The following RAMP3 variants were observed in gnomAD, a reference collection of about 807,000 sequenced individuals.
RAMP3 encodes the protein receptor activity-modifying protein 3.
RAMP3 carries 14 observed loss-of-function variants against 13.5 expected under a neutral mutation model. The observed-to-expected ratio is 1.04, with a 90% CI of 0.69 to 1.63. The LOEUF (loss-of-function observed/expected upper bound fraction) is 1.63, where lower values mean the gene tolerates loss of function less well. RAMP3 is among the 40% of genes most tolerant of loss of function. The probability of loss-of-function intolerance (pLI) is 0.00; values close to 1 mark genes in which losing one functional copy is unlikely to be tolerated. For synonymous variants in RAMP3, 106 were observed against 88.3 expected, an observed-to-expected ratio of 1.20 and a Z score of -1.12; for missense variants, 200 against 204.8, an observed-to-expected ratio of 0.98 and a Z score of 0.14.
intron 2 of RAMP3, among the ~76,000 whole-genome samples, chr7:45,181,328 T>C (rs1786309010): frequency 6.6e-6 from 1 of 152,236 alleles, no homozygotes; most frequent in South Asian, 2.1e-4. Context: ...GGCCTAGCTT[T>C]GGCTGGGAGT....
chr7:45,174,365 G>T (rs1368329270), intron 1 of RAMP3, among the ~76,000 whole-genome samples: 2 of 152,170 alleles, frequency 1.3e-5, no homozygotes, highest in African/African-American at 4.8e-5. Flanking sequence ...GCCTCAGCAA[G>T]CCCTCATGTG....
intron 1 of RAMP3, among the ~76,000 whole-genome samples, chr7:45,168,406 CAAAAA>C (rs71030854): frequency 1.4e-5 from 1 of 70,364 alleles, no homozygotes; most frequent in Admixed American, 1.9e-4. Context: ...ACTCTGTTTC[CAAAAA>C]AAAAAAAAAA....
chr7:45,167,683 G>T (rs984913251), intron 1 of RAMP3, among the ~76,000 whole-genome samples: 1 of 151,416 alleles, frequency 6.6e-6, no homozygotes, highest in Non-Finnish European at 1.5e-5. Context: ...CCTGCCTCCT[G>T]CCTTGGGAAG....
At position 45,183,887 on chromosome 7, in the gene RAMP3, G is replaced by T. The variant is rs3173757; in HGVS notation, c.*475G>T. 0.29 allele frequency: 125,301 copies of T among 427,498 alleles called. 21,678 individuals carry two copies. Among genetic ancestry groups the T allele is most frequent in the African/African-American group, 0.58 (29,142 of 49,992 alleles). The allele number at this position is 427,498 out of a possible 1,614,324, so 26.5% of individuals were successfully genotyped here. ...GCTCCTGCCTACATCCAGGCAGAAA[G>T]ATAGGCAGGGGCTCTTGGAAGACGT... On this transcript the variant is annotated 3_prime_UTR_variant, in exon 3 of 3. Transcript: ENST00000242249.
chr7:45,166,463 T>C (rs534529499), intron 1 of RAMP3, among the ~76,000 whole-genome samples: 3 of 152,358 alleles, frequency 2.0e-5, no homozygotes, highest in African/African-American at 7.2e-5. Context: ...TATATTTTTG[T>C]AGAAATGACT....
rs370868982 is a variant in RAMP3, at chr7:45,183,392, C to G, written c.427C>G (p.Arg143Gly). The change falls in exon 3 of 3, where the codon CGC becomes GGC. Residue 143 changes from arginine to glycine, a missense_variant. Arg to Gly is a moderately radical substitution (Grantham distance 125). Transcript: ENST00000242249. ...MAGLVVWRSK[R>G]TDTLL ...TGGCCTGGTGGTGTGGCGCAGCAAA[C>G]GCACCGACACGCTGCTGTGAGGGTC... The G allele has an allele frequency of 6.2e-7, 1 of 1,612,786 alleles. No homozygotes were observed.
Position 45,183,602 on chromosome 7 carries a change from C to CT in RAMP3, c.*191dup. 7 of 762,946 alleles carry CT rather than the reference C, an allele frequency of 9.2e-6. No homozygotes were observed. Among genetic ancestry groups the CT allele is most frequent in the Non-Finnish European group, 1.5e-5 (7 of 478,982 alleles). 47.3% of individuals were successfully genotyped at this position (762,946 alleles called of 1,614,324 possible). A position where few individuals can be genotyped will look rare whatever the true frequency, so the allele number is the denominator to read the frequency against. The stretch of plus-strand genomic sequence containing the variant: ...GCCTGCTCCCTGGCTGAGGCTCAGG[C>CT]TATCCGCCCAAGCTCTTTGCTCATT... On this transcript the variant is annotated 3_prime_UTR_variant, in exon 3 of 3. Coordinates refer to ENST00000242249, the MANE Select transcript of RAMP3 (RefSeq NM_005856.3).
chr7:45,179,031 T>A (rs562203448), intron 2 of RAMP3, among the ~76,000 whole-genome samples: 174 of 152,230 alleles, frequency 1.1e-3, no homozygotes, highest in Non-Finnish European at 2.3e-3. Flanking sequence ...CAGTGAGGTG[T>A]CCAGAGCCCT....
At chr7:45,169,128 T>C (rs1430355669) in intron 1 of RAMP3, among the ~76,000 whole-genome samples, 1 of 152,240 alleles carries the variant, frequency 6.6e-6, no homozygotes, top group Non-Finnish European at 1.5e-5. Flanking sequence ...TAAAACCTTC[T>C]TGGTCATGGT....
chr7:45,181,666 G>A (rs937183903), intron 2 of RAMP3, among the ~76,000 whole-genome samples: 2 of 152,168 alleles, frequency 1.3e-5, no homozygotes, highest in African/African-American at 4.8e-5. Flanking sequence ...GGGGGGTTGG[G>A]GTGGACAGCA....
chr7:45,175,095 A>G (rs1468593120), intron 1 of RAMP3, among the ~76,000 whole-genome samples: 2 of 152,212 alleles, frequency 1.3e-5, no homozygotes, highest in African/African-American at 4.8e-5. Context: ...AGGCTCACTC[A>G]GGGGTTGGGG....
At chr7:45,164,371 A>T (rs1785919464) in intron 1 of RAMP3, among the ~76,000 whole-genome samples, 1 of 138,706 alleles carries the variant, frequency 7.2e-6, no homozygotes. Context: ...GTCTCTACAA[A>T]TAACAAAAAA....
intron 1 of RAMP3, among the ~76,000 whole-genome samples, chr7:45,169,344 T>C (rs79504581): frequency 0.084 from 12,833 of 152,276 alleles, 686 homozygotes; most frequent in Non-Finnish European, 0.12. Flanking sequence ...GTGAATGATT[T>C]CTGTTAATTC....
intron 1 of RAMP3, among the ~76,000 whole-genome samples, chr7:45,175,557 A>G (rs756061943): frequency 7.9e-5 from 12 of 152,168 alleles, no homozygotes; most frequent in Non-Finnish European, 1.6e-4. Context: ...ATTCTGAGGT[A>G]TAGGTTTGGG....
At chr7:45,164,154 C>T (rs1183418158) in intron 1 of RAMP3, among the ~76,000 whole-genome samples, 1 of 152,210 alleles carries the variant, frequency 6.6e-6, no homozygotes, top group East Asian at 1.9e-4. Flanking sequence ...CACTGTGCTC[C>T]TGCCTGTGCC....
chr7:45,159,711 C>T (rs538779733), intron 1 of RAMP3, among the ~76,000 whole-genome samples: 11 of 152,230 alleles, frequency 7.2e-5, no homozygotes, highest in Admixed American at 4.6e-4. Flanking sequence ...CTGCTGAGAC[C>T]GTCAGTTTGA....
intron 1 of RAMP3, among the ~76,000 whole-genome samples, chr7:45,175,629 G>A (rs192211528): frequency 1.2e-4 from 19 of 152,300 alleles, no homozygotes; most frequent in Admixed American, 9.8e-4. Flanking sequence ...CAGCTGGCAA[G>A]CCCTTTTGTG....
intron 1 of RAMP3, among the ~76,000 whole-genome samples, chr7:45,173,048 T>G (rs1467721918): frequency 1.3e-5 from 2 of 152,222 alleles, no homozygotes; most frequent in Non-Finnish European, 2.9e-5. Flanking sequence ...GGGCCTTTCA[T>G]TAGACTTCTC....
intron 2 of RAMP3, among the ~76,000 whole-genome samples, chr7:45,178,660 C>T (rs1786241754): frequency 6.6e-6 from 1 of 152,254 alleles, no homozygotes; most frequent in Non-Finnish European, 1.5e-5. Context: ...CCTCCTGGTC[C>T]TCAGTGAGCC....
Sources: allele counts gnomAD v4.1 joint callset (sites outside exome capture counted in the v4.1 genomes callset), GRCh38; gene constraint gnomAD v4.1.1; transcripts MANE v1.5; gene names NCBI Gene and HGNC (gene_info 2026-07-23, HGNC 2026-07-21).